SLC8A1: variants seen among roughly 807,000 people sequenced by gnomAD.
SLC8A1 encodes the protein solute carrier family 8 member A1.
Under a neutral mutation model 68.3 loss-of-function variants are expected in SLC8A1, and 18 were observed. That is an observed-to-expected ratio of 0.26 (90% confidence interval 0.18 to 0.39). SLC8A1 has a LOEUF of 0.39. Ranked by LOEUF, SLC8A1 falls within the 10% of genes least tolerant of loss-of-function variation. The pLI, the probability that SLC8A1 is intolerant of heterozygous loss-of-function variation, is 1.00. For missense variants in SLC8A1, 985 were observed against 1,156.7 expected (o/e 0.85, Z 2.15); for synonymous variants, 475 against 415.5 (o/e 1.14, Z -1.74).
rs1466921362 is a variant in SLC8A1, at chr2:40,359,970, T to C, written c.1808+68503A>G. 2.6e-5 allele frequency among the ~76,000 whole-genome samples: 4 copies of C among 151,412 alleles called. No individual in the cohort carries two copies. The East Asian group carries it at 7.8e-4, about 29-fold the overall frequency. On this transcript the variant is annotated intron_variant, in intron 2 of 7. Transcript: ENST00000406785. ...AAACAGATACATAATGAGTAACGGC[T>C]GTGCAAGAGTCTGTGGTAGGGCTGC... is the stretch of plus-strand genomic sequence containing the variant.
intron 7 of SLC8A1, chr2:40,123,233 A>T (rs2037316560): frequency 6.6e-6 from 1 of 152,246 alleles, no homozygotes; most frequent in African/African-American, 2.4e-5. Flanking sequence ...GAAAATATCA[A>T]GAAGCTTCAT....
intron 1 of SLC8A1, among the ~76,000 whole-genome samples, chr2:40,442,398 A>C (rs1344194153): frequency 9.7e-6 from 1 of 102,890 alleles, no homozygotes; most frequent in Non-Finnish European, 2.2e-5. Context: ...TTAAATTTAC[A>C]AAAAAAAAAA....
intron 2 of SLC8A1, among the ~76,000 whole-genome samples, chr2:40,369,929 T>A (rs1677499896): frequency 6.6e-6 from 1 of 152,134 alleles, no homozygotes; most frequent in South Asian, 2.1e-4. Context: ...TCAAAATTTA[T>A]TCTTTGTTTT....
At chr2:40,233,693 A>T (rs949688042) in intron 2 of SLC8A1, among the ~76,000 whole-genome samples, 4 of 146,026 alleles carry the variant, frequency 2.7e-5, no homozygotes, top group African/African-American at 1.0e-4. Flanking sequence ...CTGAATGGTA[A>T]TGCCTAGGTT....
chr2:40,288,726 T>C (rs541807031), intron 2 of SLC8A1, among the ~76,000 whole-genome samples: 1 of 152,098 alleles, frequency 6.6e-6, no homozygotes, highest in Admixed American at 6.5e-5. Flanking sequence ...GGATGGATGT[T>C]TGGAGCTAGT....
chr2:40,253,732 C>T (rs1412360489), intron 2 of SLC8A1, among the ~76,000 whole-genome samples: 1 of 147,838 alleles, frequency 6.8e-6, no homozygotes, highest in Non-Finnish European at 1.5e-5. Context: ...GAGGCTGAGG[C>T]AGGAGAATCA....
At chr2:40,470,091 G>T (rs565421310) in intron 1 of SLC8A1, among the ~76,000 whole-genome samples, 20 of 149,360 alleles carry the variant, frequency 1.3e-4, no homozygotes, top group African/African-American at 4.4e-4. Flanking sequence ...TTCTACTTAC[G>T]CACACTCTTT....
At chr2:40,456,786 A>G (rs1017757401), upstream of SLC8A1, among the ~76,000 whole-genome samples, 2 of 152,214 alleles carry the variant, frequency 1.3e-5, no homozygotes, top group African/African-American at 4.8e-5. Flanking sequence ...AAATTTCTAT[A>G]TAATTAGATT....
intron 1 of SLC8A1, among the ~76,000 whole-genome samples, chr2:40,460,557 A>G (rs1318845597): frequency 6.6e-6 from 1 of 151,076 alleles, no homozygotes; most frequent in Non-Finnish European, 1.5e-5. Flanking sequence ...CTTATAGGTA[A>G]AATCAGACTG....
intron 2 of SLC8A1, among the ~76,000 whole-genome samples, chr2:40,423,894 T>C (rs1035723814): frequency 4.6e-5 from 7 of 151,820 alleles, no homozygotes; most frequent in African/African-American, 1.7e-4. Context: ...GATGATATTA[T>C]ATGTGATTTG....
chr2:40,505,418 A>G (rs1200956346), intron 1 of SLC8A1, among the ~76,000 whole-genome samples: 1 of 151,864 alleles, frequency 6.6e-6, no homozygotes, highest in Admixed American at 6.6e-5. Context: ...TGCTTATTTC[A>G]CATTGCATGC....
At chr2:40,351,943 C>G (rs769230856) in intron 2 of SLC8A1, among the ~76,000 whole-genome samples, 68 of 152,116 alleles carry the variant, frequency 4.5e-4, no homozygotes, top group Non-Finnish European at 4.9e-4. Context: ...TTATTTAAAA[C>G]AGGGTATATG....
chr2:40,435,824 G>GGA (rs144454314), intron 1 of SLC8A1, among the ~76,000 whole-genome samples: 1 of 152,236 alleles, frequency 6.6e-6, no homozygotes, highest in Non-Finnish European at 1.5e-5. Context: ...CGCCCAGGCT[G>GGA]GAGTGCAGTG....
At chr2:40,139,786 G>A in intron 6 of SLC8A1, 110 bp from the exon 10 acceptor site, 1 of 1,085,808 alleles carries the variant, frequency 9.2e-7, no homozygotes, top group Non-Finnish European at 1.3e-6. Context: ...GTGACAGGAG[G>A]CCATGAGAGG....
At chr2:40,303,124 G>GGT (rs2071843710) in intron 2 of SLC8A1, among the ~76,000 whole-genome samples, 1 of 152,124 alleles carries the variant, frequency 6.6e-6, no homozygotes, top group African/African-American at 2.4e-5. Context: ...ATTCATTTTG[G>GGT]ATAAGTGATG....
chr2:40,115,243 G>C, exon 8 of SLC8A1: 2 of 1,589,492 alleles, frequency 1.3e-6, no homozygotes, highest in Non-Finnish European at 1.7e-6. Context: ...TACTATATCT[G>C]ATAGTTCCTT....
chr2:40,467,487 ATCTT>A (rs941837587), intron 1 of SLC8A1, among the ~76,000 whole-genome samples: 1 of 152,194 alleles, frequency 6.6e-6, no homozygotes, highest in African/African-American at 2.4e-5. Flanking sequence ...CCTCTAAATT[ATCTT>A]TCTCTCAATT....
intron 1 of SLC8A1, among the ~76,000 whole-genome samples, chr2:40,433,525 T>C (rs1180611955): frequency 6.6e-6 from 1 of 152,188 alleles, no homozygotes; most frequent in African/African-American, 2.4e-5. Flanking sequence ...ATTGCTGTTA[T>C]AAAATGCCTA....
At chr2:40,108,114 A>G (rs1405264752) in exon 8 of SLC8A1, 8 of 152,192 alleles carry the variant, frequency 5.3e-5, no homozygotes, top group African/African-American at 1.9e-4. Flanking sequence ...ATCAACATCA[A>G]AATGGAATCA....
Sources: gnomAD v4.1 joint callset for allele counts (sites outside exome capture counted in the v4.1 genomes callset) on GRCh38, gnomAD v4.1.1 for gene constraint, MANE v1.5 for transcripts, NCBI Gene and HGNC (gene_info 2026-07-23, HGNC 2026-07-21) for gene names.